The following CDH13 variants were observed in gnomAD, a reference collection of about 807,000 sequenced individuals.
The protein encoded by CDH13 is cadherin 13.
Under a neutral mutation model 63.8 loss-of-function variants are expected in CDH13, and 24 were observed. That is an observed-to-expected ratio of 0.38 (90% CI 0.27 to 0.53). The LOEUF is 0.53. CDH13 is among the 20% of genes least tolerant of loss of function. The pLI, the probability that CDH13 is intolerant of heterozygous loss-of-function variation, is 0.85. For synonymous variants in CDH13, 503 were observed against 355.3 expected (o/e 1.42, Z -4.67); for missense variants, 1,049 against 903.1 (o/e 1.16, Z -2.07).
At chr16:82,678,461 G>T (rs1448689214) in intron 1 of CDH13, among the ~76,000 whole-genome samples, 2 of 151,976 alleles carry the variant, frequency 1.3e-5, no homozygotes, top group African/African-American at 2.4e-5. Flanking sequence ...GCAAGGAATA[G>T]GTTATGTTTA....
intron 7 of CDH13, among the ~76,000 whole-genome samples, chr16:83,562,485 T>G (rs1363196948): frequency 6.6e-6 from 1 of 152,250 alleles, no homozygotes; most frequent in Non-Finnish European, 1.5e-5. Context: ...TTTTAGATGT[T>G]TAATTTCTAT....
At chr16:83,407,773 A>C (rs2092068920) in intron 6 of CDH13, among the ~76,000 whole-genome samples, 1 of 152,142 alleles carries the variant, frequency 6.6e-6, no homozygotes, top group Non-Finnish European at 1.5e-5. Context: ...TGTTCTCCTA[A>C]ATTGAAGCCC....
At chr16:82,756,403 C>G (rs905358687) in intron 1 of CDH13, among the ~76,000 whole-genome samples, 2 of 152,286 alleles carry the variant, frequency 1.3e-5, no homozygotes, top group Admixed American at 1.3e-4. Flanking sequence ...TTGTGGATCA[C>G]TTACTGCAAA....
intron 8 of CDH13, among the ~76,000 whole-genome samples, chr16:83,626,253 G>A (rs1910291305): frequency 6.6e-6 from 1 of 152,150 alleles, no homozygotes; most frequent in South Asian, 2.1e-4. Flanking sequence ...ATTGTTTCAT[G>A]ACCGGAGTCA....
At chr16:83,606,002 T>A (rs1443509060) in intron 8 of CDH13, among the ~76,000 whole-genome samples, 2 of 152,150 alleles carry the variant, frequency 1.3e-5, no homozygotes, top group Admixed American at 6.5e-5. Flanking sequence ...GAGCTCCTAA[T>A]GAGGACTGGC....
intron 7 of CDH13, among the ~76,000 whole-genome samples, chr16:83,582,479 C>G (rs552183691): frequency 9.2e-5 from 14 of 152,006 alleles, no homozygotes; most frequent in African/African-American, 3.4e-4. Flanking sequence ...ACACATGTTT[C>G]TAGTAGAAAA....
At chr16:83,672,810 A>G (rs1914629233) in intron 9 of CDH13, among the ~76,000 whole-genome samples, 1 of 152,142 alleles carries the variant, frequency 6.6e-6, no homozygotes, top group South Asian at 2.1e-4. Context: ...TGTGATGGAG[A>G]TGTCTATTTA....
intron 8 of CDH13, among the ~76,000 whole-genome samples, chr16:83,619,971 G>C (rs1458781634): frequency 6.6e-6 from 1 of 152,148 alleles, no homozygotes; most frequent in Non-Finnish European, 1.5e-5. Flanking sequence ...AGGGTGACCA[G>C]AGCAACATGA....
intron 3 of CDH13, among the ~76,000 whole-genome samples, chr16:83,065,513 T>A (rs149174243): frequency 0.024 from 3,649 of 152,136 alleles, 146 homozygotes; most frequent in African/African-American, 0.082. Context: ...AAAACCAGCC[T>A]GGCCAACATG....
intron 6 of CDH13, among the ~76,000 whole-genome samples, chr16:83,443,248 G>A (rs867065241): frequency 6.6e-6 from 1 of 152,132 alleles, no homozygotes; most frequent in Middle Eastern, 3.2e-3. Flanking sequence ...CTGCGTTTTT[G>A]CTGCTTCACC....
intron 3 of CDH13, among the ~76,000 whole-genome samples, chr16:83,067,620 A>C (rs981234292): frequency 2.0e-5 from 3 of 152,254 alleles, no homozygotes; most frequent in Non-Finnish European, 2.9e-5. Context: ...TTTAGGGATA[A>C]AATGCACAAC....
At chr16:83,015,053 G>C (rs1418352797) in intron 2 of CDH13, among the ~76,000 whole-genome samples, 1 of 151,086 alleles carries the variant, frequency 6.6e-6, no homozygotes, top group Non-Finnish European at 1.5e-5. Context: ...GATGTAAAAA[G>C]TATTTAATAG....
At chr16:83,064,046 T>G (rs2031801135) in intron 3 of CDH13, among the ~76,000 whole-genome samples, 2 of 152,070 alleles carry the variant, frequency 1.3e-5, no homozygotes, top group Admixed American at 1.3e-4. Flanking sequence ...ATTTCAGAGC[T>G]AAAAATATAC....
intron 4 of CDH13, among the ~76,000 whole-genome samples, chr16:83,184,301 C>A (rs1412406099): frequency 6.6e-6 from 1 of 152,142 alleles, no homozygotes; most frequent in African/African-American, 2.4e-5. Context: ...CAGCCTCTTA[C>A]ATTAACTCTA....
At chr16:83,782,212 G>T (rs747161872) in intron 12 of CDH13, among the ~76,000 whole-genome samples, 16 of 152,070 alleles carry the variant, frequency 1.1e-4, no homozygotes, top group Non-Finnish European at 1.8e-4. Context: ...TCCCAGAAAG[G>T]GGCACTTAAA....
chr16:82,649,640 G>A (rs1910496829), intron 1 of CDH13, among the ~76,000 whole-genome samples: 1 of 152,080 alleles, frequency 6.6e-6, no homozygotes, highest in African/African-American at 2.4e-5. Context: ...AACCAGATCT[G>A]AACCTAAGGA....
intron 1 of CDH13, among the ~76,000 whole-genome samples, chr16:82,631,899 G>A (rs1171667389): frequency 1.3e-5 from 2 of 152,270 alleles, no homozygotes; most frequent in African/African-American, 2.4e-5. Context: ...CTGCTTGGTG[G>A]TAATGGAACT....
chr16:82,777,068 C>A (rs1307760618), intron 1 of CDH13, among the ~76,000 whole-genome samples: 8 of 152,210 alleles, frequency 5.3e-5, no homozygotes, highest in African/African-American at 1.9e-4. Context: ...GCCTCAGCCT[C>A]CCAGGTAGCT....
intron 3 of CDH13, among the ~76,000 whole-genome samples, chr16:83,122,869 C>A (rs1253794849): frequency 1.4e-4 from 21 of 152,078 alleles, no homozygotes; most frequent in Non-Finnish European, 7.4e-5. Flanking sequence ...TTAGTGAACC[C>A]ATCACCCAAA....
Sources: gnomAD v4.1 joint callset for allele counts (sites outside exome capture counted in the v4.1 genomes callset) on GRCh38, gnomAD v4.1.1 for gene constraint, MANE v1.5 for transcripts, NCBI Gene and HGNC (gene_info 2026-07-23, HGNC 2026-07-21) for gene names.